SLC9B1: variants seen among roughly 807,000 people sequenced by gnomAD.
SLC9B1 encodes the protein solute carrier family 9 member B1, also known as sodium/hydrogen exchanger 9B1.
In SLC9B1, 32 loss-of-function variants were observed where a neutral mutation model predicts 51.7. That is an observed-to-expected ratio of 0.62 (90% CI 0.47 to 0.83). The LOEUF is 0.83. Among genes scored for constraint, SLC9B1 ranks in the 40% least tolerant of loss-of-function variants. The pLI is 0.00. For missense variants in SLC9B1, 406 were observed against 613.2 expected (o/e 0.66, Z 3.57); for synonymous variants, 145 against 212.7 (o/e 0.68, Z 2.77).
At chr4:102,956,898 A>G (rs1158574742) in intron 3 of SLC9B1, among the ~76,000 whole-genome samples, 1 of 152,170 alleles carries the variant, frequency 6.6e-6, no homozygotes, top group Non-Finnish European at 1.5e-5. Flanking sequence ...TTAGAAAGAA[A>G]GTTTTCAAAG....
rs1157125061 is a variant in SLC9B1, at chr4:103,007,857, T to C, written c.-2+11742A>G. Among the ~76,000 whole-genome samples the C allele has an allele frequency of 2.6e-5, 4 of 152,092 alleles. 1 individual carries two copies. The South Asian group carries it at 6.2e-4, about 24-fold the overall frequency. ...TCCTCCTGCCTTGGCCTCCCAAATC[T>C]CATCAGCTTTTATTGGGCATAGTAC... On this transcript the variant is annotated intron_variant, in intron 1 of 11. Transcript: ENST00000296422.
At chr4:102,971,157 C>A (rs1003179649) in intron 3 of SLC9B1, among the ~76,000 whole-genome samples, 15 of 152,152 alleles carry the variant, frequency 9.9e-5, no homozygotes, top group African/African-American at 3.6e-4. Flanking sequence ...ATCTACAGAA[C>A]CCTCCACCCT....
At chr4:102,923,192 C>T (rs1010480281) in intron 7 of SLC9B1, among the ~76,000 whole-genome samples, 2 of 152,144 alleles carry the variant, frequency 1.3e-5, no homozygotes, top group Admixed American at 6.5e-5. Context: ...AATCCAGCAG[C>T]ACATCAAAAA....
At chr4:102,960,041 C>G (rs559990072) in intron 3 of SLC9B1, among the ~76,000 whole-genome samples, 2 of 151,710 alleles carry the variant, frequency 1.3e-5, no homozygotes, top group South Asian at 4.2e-4. Context: ...ACATCTGTTT[C>G]TTCATCACAG....
chr4:102,998,397 C>T (rs1047682908), intron 1 of SLC9B1, among the ~76,000 whole-genome samples: 1 of 152,052 alleles, frequency 6.6e-6, no homozygotes, highest in Non-Finnish European at 1.5e-5. Flanking sequence ...GAATAATATG[C>T]ATTTATATGT....
intron 11 of SLC9B1, among the ~76,000 whole-genome samples, chr4:102,903,339 A>G (rs1264697785): frequency 6.6e-6 from 1 of 152,252 alleles, no homozygotes; most frequent in African/African-American, 2.4e-5. Context: ...TATTACTTGA[A>G]GGTAAGATAA....
At chr4:102,914,052 CG>C (rs1194375764) in intron 7 of SLC9B1, among the ~76,000 whole-genome samples, 1 of 151,744 alleles carries the variant, frequency 6.6e-6, no homozygotes, top group Non-Finnish European at 1.5e-5. Flanking sequence ...CCTGAGCATT[CG>C]GGGATCAGAA....
chr4:102,963,700 T>C (rs1180769325), intron 3 of SLC9B1, among the ~76,000 whole-genome samples: 2 of 151,974 alleles, frequency 1.3e-5, no homozygotes, highest in South Asian at 4.1e-4. Context: ...CCCCAGGAAA[T>C]AATGCAGTGG....
chr4:103,009,087 T>C (rs761314322), intron 1 of SLC9B1, among the ~76,000 whole-genome samples: 27 of 152,310 alleles, frequency 1.8e-4, no homozygotes, highest in African/African-American at 3.4e-4. Flanking sequence ...TGTGAGCCAC[T>C]GCGCCTGGCC....
At chr4:103,013,750 C>T (rs1186046940) in intron 1 of SLC9B1, among the ~76,000 whole-genome samples, 1 of 152,202 alleles carries the variant, frequency 6.6e-6, no homozygotes, top group Non-Finnish European at 1.5e-5. Flanking sequence ...TTGCTCAAAA[C>T]AGAAACTGAG....
chr4:102,914,758 G>C (rs185422431), intron 7 of SLC9B1, among the ~76,000 whole-genome samples: 181 of 152,234 alleles, frequency 1.2e-3, no homozygotes, highest in Non-Finnish European at 2.6e-4. Flanking sequence ...ATGCCATCAA[G>C]CAGACCAATG....
chr4:102,888,313 C>T (rs891212411), intron 11 of SLC9B1: 14 of 152,098 alleles, frequency 9.2e-5, no homozygotes, highest in Non-Finnish European at 1.9e-4. Context: ...GTTCCAGGGC[C>T]ACACATATAC....
chr4:102,914,868 C>T (rs1735505256), intron 7 of SLC9B1, among the ~76,000 whole-genome samples: 2 of 152,144 alleles, frequency 1.3e-5, no homozygotes, highest in South Asian at 4.1e-4. Flanking sequence ...AGGAAATGGA[C>T]ATACAAATCC....
chr4:103,005,284 A>G (rs1275387310), intron 1 of SLC9B1, among the ~76,000 whole-genome samples: 2 of 152,022 alleles, frequency 1.3e-5, no homozygotes, highest in Non-Finnish European at 2.9e-5. Context: ...AAAACCAGAA[A>G]AAAGCAGGGG....
At chr4:102,990,937 C>A (rs1379113849) in intron 2 of SLC9B1, among the ~76,000 whole-genome samples, 1 of 151,936 alleles carries the variant, frequency 6.6e-6, no homozygotes, top group African/African-American at 2.4e-5. Flanking sequence ...CAGGCTTTTT[C>A]TGAAAATTCT....
At chr4:102,903,610 A>G (rs1734889018) in intron 11 of SLC9B1, among the ~76,000 whole-genome samples, 1 of 152,358 alleles carries the variant, frequency 6.6e-6, no homozygotes, top group Non-Finnish European at 1.5e-5. Context: ...TTTTTTTTGC[A>G]TGAAAATTTA....
intron 3 of SLC9B1, among the ~76,000 whole-genome samples, chr4:102,986,136 G>C (rs1433491633): frequency 1.3e-5 from 2 of 151,982 alleles, no homozygotes. Context: ...AACATCTCTT[G>C]CAAGCCAAGT....
intron 9 of SLC9B1, among the ~76,000 whole-genome samples, chr4:102,907,285 G>A (rs1341598549): frequency 6.6e-6 from 1 of 152,104 alleles, no homozygotes; most frequent in African/African-American, 2.4e-5. Flanking sequence ...CATCATGCCT[G>A]ATGAGAACAT....
intron 3 of SLC9B1, among the ~76,000 whole-genome samples, chr4:102,955,456 C>G (rs561789187): frequency 6.6e-6 from 1 of 152,080 alleles, no homozygotes; most frequent in African/African-American, 2.4e-5. Context: ...CTGGGAAAAA[C>G]AGTAGTTTTA....
Sources: gnomAD v4.1 joint callset for allele counts (sites outside exome capture counted in the v4.1 genomes callset) on GRCh38, gnomAD v4.1.1 for gene constraint, MANE v1.5 for transcripts, NCBI Gene and HGNC (gene_info 2026-07-23, HGNC 2026-07-21) for gene names.